Variants in HMBOX1 observed in about 807,000 individuals in gnomAD.
The protein encoded by HMBOX1 is homeobox containing 1.
Under a neutral mutation model 54.5 loss-of-function variants are expected in HMBOX1, and 14 were observed. That is an observed-to-expected ratio of 0.26 (90% CI 0.17 to 0.40). The LOEUF (loss-of-function observed/expected upper bound fraction) is 0.40, where lower values mean the gene tolerates loss of function less well. HMBOX1 is among the 10% of genes least tolerant of loss of function. The pLI, the probability that HMBOX1 is intolerant of heterozygous loss-of-function variation, is 1.00. For synonymous variants in HMBOX1, 160 were observed against 181.0 expected, an observed-to-expected ratio of 0.88 and a Z score of 0.93; for missense variants, 332 against 514.4, an observed-to-expected ratio of 0.65 and a Z score of 3.43.
At chr8:28,914,662 C>T (rs889805856) in intron 1 of HMBOX1, among the ~76,000 whole-genome samples, 2 of 152,182 alleles carry the variant, frequency 1.3e-5, no homozygotes, top group African/African-American at 4.8e-5. Context: ...CATCCCTAAC[C>T]TAAGTTAGAG....
At chr8:28,906,675 C>T (rs756857509) in intron 1 of HMBOX1, among the ~76,000 whole-genome samples, 12 of 152,108 alleles carry the variant, frequency 7.9e-5, no homozygotes, top group Non-Finnish European at 1.5e-4. Context: ...CTGCAACCTC[C>T]GCCTCCCAGG....
At chr8:29,048,477 G>A (rs975476052) in intron 8 of HMBOX1, 3 of 152,220 alleles carry the variant, frequency 2.0e-5, no homozygotes, top group African/African-American at 7.2e-5. Flanking sequence ...TGAGTCAGGT[G>A]GGATGTTGGT....
At chr8:29,044,272 C>T (rs966071271) in intron 6 of HMBOX1, among the ~76,000 whole-genome samples, 1 of 152,064 alleles carries the variant, frequency 6.6e-6, no homozygotes, top group African/African-American at 2.4e-5. Flanking sequence ...AAAGGGAAAC[C>T]CCTGAATAAA....
chr8:28,900,271 A>AAAAAAT (rs747317282), intron 1 of HMBOX1, among the ~76,000 whole-genome samples: 7 of 70,346 alleles, frequency 1.0e-4, no homozygotes, highest in Middle Eastern at 9.3e-3. Flanking sequence ...AAAAAAAAAA[A>AAAAAAT]ATATATATAT....
chr8:28,974,340 G>A (rs1428117842), intron 3 of HMBOX1, among the ~76,000 whole-genome samples: 1 of 152,084 alleles, frequency 6.6e-6, no homozygotes, highest in Non-Finnish European at 1.5e-5. Flanking sequence ...GTTTAAAAAT[G>A]CATCTATTAA....
chr8:28,910,683 T>C, intron 1 of HMBOX1, among the ~76,000 whole-genome samples: 1 of 152,220 alleles, frequency 6.6e-6, no homozygotes, highest in East Asian at 1.9e-4. Context: ...TGATGAAATA[T>C]CTATTCAGGT....
At chr8:29,049,802 T>A (rs908642085) in intron 9 of HMBOX1, among the ~76,000 whole-genome samples, 2 of 152,224 alleles carry the variant, frequency 1.3e-5, no homozygotes, top group Admixed American at 6.5e-5. Flanking sequence ...GAACGCATGG[T>A]ACCTTCCCCT....
chr8:28,971,538 T>C (rs1222563960), intron 3 of HMBOX1, among the ~76,000 whole-genome samples: 1 of 152,228 alleles, frequency 6.6e-6, no homozygotes, highest in African/African-American at 2.4e-5. Flanking sequence ...CTGATATGTT[T>C]AATGAATGGG....
chr8:29,021,700 A>G (rs1801190078), intron 6 of HMBOX1, among the ~76,000 whole-genome samples: 1 of 146,378 alleles, frequency 6.8e-6, no homozygotes, highest in African/African-American at 2.6e-5. Context: ...CGAAAAATAG[A>G]AAAAAAAAAA....
chr8:29,018,225 G>GTGAA (rs1800630825), intron 5 of HMBOX1, among the ~76,000 whole-genome samples: 1 of 152,180 alleles, frequency 6.6e-6, no homozygotes, highest in Admixed American at 6.5e-5. Flanking sequence ...TTGTTAAATA[G>GTGAA]TGAATGAATG....
At chr8:28,955,186 G>A (rs1406269296) in intron 1 of HMBOX1, among the ~76,000 whole-genome samples, 3 of 151,840 alleles carry the variant, frequency 2.0e-5, no homozygotes, top group Non-Finnish European at 2.9e-5. Flanking sequence ...TGTAAATGTG[G>A]CCATATGCTT....
At chr8:28,980,184 G>A in intron 4 of HMBOX1, 28 bp downstream of exon 4, 1 of 1,508,340 alleles carries the variant, frequency 6.6e-7, no homozygotes, top group East Asian at 2.3e-5. Flanking sequence ...CTTTATTCTG[G>A]AATCATGTGT....
chr8:28,998,900 C>A (rs1832238800), intron 4 of HMBOX1, among the ~76,000 whole-genome samples: 1 of 151,998 alleles, frequency 6.6e-6, no homozygotes, highest in Non-Finnish European at 1.5e-5. Flanking sequence ...AAAAACATTT[C>A]TCCTATAATA....
intron 1 of HMBOX1, among the ~76,000 whole-genome samples, chr8:28,901,754 T>G (rs1244191394): frequency 6.6e-6 from 1 of 152,198 alleles, no homozygotes; most frequent in Non-Finnish European, 1.5e-5. Context: ...ACATTTCCTT[T>G]CCTCCCTTTT....
intron 5 of HMBOX1, among the ~76,000 whole-genome samples, chr8:29,013,590 G>C (rs1364651746): frequency 2.0e-5 from 3 of 152,162 alleles, no homozygotes; most frequent in African/African-American, 7.2e-5. Flanking sequence ...GTAGTTCTCT[G>C]ATAACAGACT....
chr8:29,038,111 G>A (rs2133263662), intron 6 of HMBOX1, among the ~76,000 whole-genome samples: 2 of 152,328 alleles, frequency 1.3e-5, no homozygotes, highest in South Asian at 4.1e-4. Flanking sequence ...TGTTCACGCA[G>A]ACACAAAAGG....
At chr8:28,897,215 T>G (rs1429133089) in intron 1 of HMBOX1, among the ~76,000 whole-genome samples, 2 of 151,824 alleles carry the variant, frequency 1.3e-5, no homozygotes, top group Non-Finnish European at 2.9e-5. Flanking sequence ...GAATCCCCCC[T>G]CAGGTGATCC....
intron 9 of HMBOX1, chr8:29,050,193 T>C (rs1441113864): frequency 1.0e-6 from 1 of 982,064 alleles, no homozygotes; most frequent in Non-Finnish European, 1.2e-6. Flanking sequence ...GTTTGTTTTT[T>C]TCCTTAAGGG....
chr8:28,905,147 A>G (rs1457203475), intron 1 of HMBOX1, among the ~76,000 whole-genome samples: 1 of 152,194 alleles, frequency 6.6e-6, no homozygotes, highest in African/African-American at 2.4e-5. Context: ...AGGGGAATCT[A>G]GAGAATATTG....
Sources: allele counts gnomAD v4.1 joint callset (sites outside exome capture counted in the v4.1 genomes callset), GRCh38; gene constraint gnomAD v4.1.1; transcripts MANE v1.5; gene names NCBI Gene and HGNC (gene_info 2026-07-23, HGNC 2026-07-21).